The following NRG3 variants were observed in gnomAD, a reference collection of about 807,000 sequenced individuals.
NRG3 encodes pro-neuregulin-3, membrane-bound isoform.
Under a neutral mutation model 66.9 loss-of-function variants are expected in NRG3, and 31 were observed. The observed-to-expected ratio is 0.46, with a 90% CI of 0.35 to 0.63. The LOEUF (loss-of-function observed/expected upper bound fraction) is 0.63, where lower values mean the gene tolerates loss of function less well. Among genes scored for constraint, NRG3 ranks in the 20% least tolerant of loss-of-function variants. The probability of loss-of-function intolerance (pLI) is 0.00; values close to 1 mark genes in which losing one functional copy is unlikely to be tolerated. For synonymous variants in NRG3, 393 were observed against 359.4 expected (o/e 1.09, Z -1.06); for missense variants, 910 against 878.9 (o/e 1.04, Z -0.45).
chr10:82,602,283 T>C (rs934906221), intron 2 of NRG3, among the ~76,000 whole-genome samples: 3 of 152,116 alleles, frequency 2.0e-5, no homozygotes, highest in Non-Finnish European at 4.4e-5. Context: ...TATGCCTGCA[T>C]TCTTGATATC....
intron 1 of NRG3, among the ~76,000 whole-genome samples, chr10:81,963,920 CTGTT>C (rs1393407365): frequency 2.0e-5 from 3 of 152,166 alleles, no homozygotes; most frequent in African/African-American, 7.2e-5. Flanking sequence ...GTATTAATCA[CTGTT>C]TCATCTGTGT....
At chr10:82,938,698 A>G (rs561448817) in intron 4 of NRG3, among the ~76,000 whole-genome samples, 1 of 152,354 alleles carries the variant, frequency 6.6e-6, no homozygotes, top group African/African-American at 2.4e-5. Context: ...TGTTCTGTGA[A>G]GCAAAGTTAA....
At chr10:82,258,164 T>G (rs1284805455) in intron 1 of NRG3, among the ~76,000 whole-genome samples, 5 of 152,206 alleles carry the variant, frequency 3.3e-5, no homozygotes, top group Admixed American at 6.5e-5. Context: ...ATAAAATGCA[T>G]CAGTTAAAAA....
At chr10:82,437,459 G>C (rs1031106402) in intron 2 of NRG3, among the ~76,000 whole-genome samples, 11 of 151,820 alleles carry the variant, frequency 7.2e-5, no homozygotes, top group African/African-American at 2.7e-4. Flanking sequence ...AAGTTTCTTA[G>C]CTTCTTTGCA....
At chr10:82,727,805 G>A (rs1426793720) in intron 2 of NRG3, among the ~76,000 whole-genome samples, 1 of 152,134 alleles carries the variant, frequency 6.6e-6, no homozygotes, top group African/African-American at 2.4e-5. Flanking sequence ...CTCAATGGCA[G>A]CCCAAGAAAA....
intron 2 of NRG3, among the ~76,000 whole-genome samples, chr10:82,579,621 T>C (rs903196887): frequency 1.3e-5 from 2 of 151,946 alleles, no homozygotes; most frequent in African/African-American, 4.8e-5. Context: ...CTGTGACATA[T>C]GGGTAAAATT....
intron 2 of NRG3, among the ~76,000 whole-genome samples, chr10:82,421,868 A>G (rs1451370554): frequency 1.3e-5 from 2 of 152,046 alleles, no homozygotes; most frequent in Non-Finnish European, 2.9e-5. Flanking sequence ...GAAAAAAACC[A>G]TGTAATACTG....
chr10:82,377,633 A>G (rs2085339709), intron 2 of NRG3, among the ~76,000 whole-genome samples: 1 of 152,126 alleles, frequency 6.6e-6, no homozygotes. Flanking sequence ...GCAGGAAGGG[A>G]CACCAAGAGC....
At chr10:82,327,335 T>C (rs929295146) in intron 1 of NRG3, among the ~76,000 whole-genome samples, 1 of 152,220 alleles carries the variant, frequency 6.6e-6, no homozygotes, top group Non-Finnish European at 1.5e-5. Context: ...CAGATTTTTC[T>C]GTGTGAAAAC....
chr10:82,317,535 T>C (rs1019717275), intron 1 of NRG3, among the ~76,000 whole-genome samples: 3 of 152,210 alleles, frequency 2.0e-5, no homozygotes, highest in Admixed American at 6.5e-5. Context: ...GTGCTGCTGC[T>C]CACTGATTGT....
chr10:82,803,380 A>T (rs188542879), intron 3 of NRG3, among the ~76,000 whole-genome samples: 7 of 152,356 alleles, frequency 4.6e-5, no homozygotes, highest in South Asian at 4.1e-4. Flanking sequence ...CAGAATAGAT[A>T]GGGAAATCTA....
At chr10:82,595,803 G>A (rs986117636) in intron 2 of NRG3, among the ~76,000 whole-genome samples, 3 of 151,598 alleles carry the variant, frequency 2.0e-5, no homozygotes, top group Non-Finnish European at 2.9e-5. Context: ...AAAATAGATT[G>A]GAACTTTTAG....
At chr10:82,468,442 T>C (rs1840901468) in intron 2 of NRG3, among the ~76,000 whole-genome samples, 1 of 152,126 alleles carries the variant, frequency 6.6e-6, no homozygotes, top group Non-Finnish European at 1.5e-5. Flanking sequence ...AGATTACATA[T>C]GAGAGACCTT....
chr10:82,254,963 C>G (rs779960015), intron 1 of NRG3, among the ~76,000 whole-genome samples: 1 of 152,136 alleles, frequency 6.6e-6, no homozygotes, highest in Non-Finnish European at 1.5e-5. Context: ...ACATAGTGAC[C>G]TTGTTTCTCC....
At chr10:82,877,907 A>G (rs762394771) in intron 4 of NRG3, among the ~76,000 whole-genome samples, 4 of 152,302 alleles carry the variant, frequency 2.6e-5, no homozygotes, top group Non-Finnish European at 4.4e-5. Context: ...ACAAAGTCTT[A>G]GGTGTATTCT....
At chr10:82,696,796 G>A (rs2055419912) in intron 2 of NRG3, among the ~76,000 whole-genome samples, 1 of 152,206 alleles carries the variant, frequency 6.6e-6, no homozygotes, top group African/African-American at 2.4e-5. Flanking sequence ...CAAGCAGAGA[G>A]ATATGACTTT....
intron 1 of NRG3, among the ~76,000 whole-genome samples, chr10:82,210,429 G>A (rs2075340202): frequency 6.6e-6 from 1 of 152,188 alleles, no homozygotes; most frequent in South Asian, 2.1e-4. Flanking sequence ...AGGTGCCAAG[G>A]TGCCAGCCTG....
intron 2 of NRG3, among the ~76,000 whole-genome samples, chr10:82,426,634 A>G (rs2089465073): frequency 1.6e-5 from 2 of 122,980 alleles, no homozygotes; most frequent in East Asian, 2.1e-4. Flanking sequence ...TATTATTATT[A>G]TTATTATTAT....
Position 82,940,566 on chromosome 10 carries a change from C to T in NRG3, c.1055-10903C>T, listed in dbSNP as rs80199676. Reference sequence around the variant, plus strand: ...AAGACCCTTTCTTAGTCCATCTGGGCTGCATAACAAAGTACCCTACACTGC... The same window carrying T: ...AAGACCCTTTCTTAGTCCATCTGGGTTGCATAACAAAGTACCCTACACTGC... On this transcript the variant is annotated intron_variant, in intron 4 of 8. Coordinates refer to ENST00000372141, the MANE Select transcript of NRG3 (RefSeq NM_001010848.4). Among the ~76,000 whole-genome samples the T allele has an allele frequency of 3.3e-5, 5 of 152,236 alleles. No homozygotes were observed. The East Asian group carries it at 9.7e-4, about 30-fold the overall frequency.
Sources: gnomAD v4.1 joint callset for allele counts (sites outside exome capture counted in the v4.1 genomes callset) on GRCh38, gnomAD v4.1.1 for gene constraint, MANE v1.5 for transcripts, NCBI Gene and HGNC (gene_info 2026-07-23, HGNC 2026-07-21) for gene names.